CCNJ: variants seen among roughly 807,000 people sequenced by gnomAD.
CCNJ encodes cyclin J.
Under a neutral mutation model 41.4 loss-of-function variants are expected in CCNJ, and 12 were observed. That is an observed-to-expected ratio of 0.29 (90% CI 0.19 to 0.47). CCNJ has a LOEUF of 0.47. CCNJ is among the 20% of genes least tolerant of loss of function. The pLI, the probability that CCNJ is intolerant of heterozygous loss-of-function variation, is 1.00. For missense variants in CCNJ, 340 were observed against 464.6 expected (o/e 0.73, Z 2.47); for synonymous variants, 161 against 173.4 (o/e 0.93, Z 0.56).
chr10:96,051,511 T>C (rs2080523465), intron 3 of CCNJ, among the ~76,000 whole-genome samples: 1 of 152,186 alleles, frequency 6.6e-6, no homozygotes, highest in Non-Finnish European at 1.5e-5. Flanking sequence ...AAATCAGTAA[T>C]GTAGTTTCTG....
intron 3 of CCNJ, among the ~76,000 whole-genome samples, chr10:96,052,345 C>T (rs1288468627): frequency 6.6e-6 from 1 of 152,154 alleles, no homozygotes; most frequent in African/African-American, 2.4e-5. Context: ...ATTATAGAAT[C>T]AGTTTACAGT....
In CCNJ at chr10:96,057,896, A is replaced by G. The variant is rs1591023620; in HGVS notation, c.807A>G (p.Gln269=). ...GGCAAGCAGGACCTCAGTCAGCGCA[A>G]CTAAGTGTATTCCAGACAGCCTCCC... ...QRGQAGPQSA[Q]LSVFQTASQP... The change falls in exon 6 of 6, where the codon CAA becomes CAG. Residue 269 remains glutamine (Q), a synonymous_variant. Coordinates refer to ENST00000465148, the MANE Select transcript of CCNJ (RefSeq NM_001134375.2). 1.9e-6 allele frequency: 3 copies of G among 1,614,230 alleles called. No individual in the cohort carries two copies. The highest frequency in any genetic ancestry group is 2.5e-6 in the Non-Finnish European group (3 of 1,180,030).
Position 96,058,301 on chromosome 10 carries a change from G to A in CCNJ, c.*60G>A, listed in dbSNP as rs41291596. 663 of 1,450,964 alleles carry A rather than the reference G, an allele frequency of 4.6e-4. No individual in the cohort carries two copies. The highest frequency in any genetic ancestry group is 5.3e-4 in the Non-Finnish European group (561 of 1,059,820). The allele number at this position is 1,450,964 out of a possible 1,614,324, so 89.9% of individuals were successfully genotyped here. On this transcript the variant is annotated 3_prime_UTR_variant, in exon 6 of 6. Coordinates refer to ENST00000465148, the MANE Select transcript of CCNJ (RefSeq NM_001134375.2). The stretch of plus-strand genomic sequence containing the variant: ...TTGTGACATGAAGCTATGGGTAAGC[G>A]TTTTGTAAACTTCTGTTCAAAAGGA...
At chr10:96,043,879 A>G (rs1161605304) in intron 1 of CCNJ, among the ~76,000 whole-genome samples, 160 bp downstream of exon 1, 1 of 151,778 alleles carries the variant, frequency 6.6e-6, no homozygotes, top group Non-Finnish European at 1.5e-5. Flanking sequence ...CCCGGGGAGG[A>G]GCAGGCTCCC....
At chr10:96,045,427 A>T (rs1235976717) in intron 2 of CCNJ, among the ~76,000 whole-genome samples, 2 of 152,236 alleles carry the variant, frequency 1.3e-5, no homozygotes, top group African/African-American at 4.8e-5. Context: ...ATGAACTTTT[A>T]TCTTGAGTTT....
At chr10:96,052,174 C>T (rs1473709549) in intron 3 of CCNJ, among the ~76,000 whole-genome samples, 2 of 152,180 alleles carry the variant, frequency 1.3e-5, no homozygotes, top group Non-Finnish European at 2.9e-5. Flanking sequence ...AAGTTTCATG[C>T]TCATAAGTAA....
Position 96,058,112 on chromosome 10 carries a change from C to T in CCNJ, c.1023C>T (p.His341=). The change falls in exon 6 of 6, where the codon CAC becomes CAT. Residue 341 remains histidine (H), a synonymous_variant. Transcript: ENST00000465148. ...GFQTSVQGLG[H]MQTGVGMSLA... ...AAACTAGTGTTCAGGGCCTTGGGCA[C>T]ATGCAGACTGGTGTTGGGATGTCAC... 1 of 1,614,196 alleles carries T rather than the reference C, an allele frequency of 6.2e-7. No homozygotes were observed. Among genetic ancestry groups the T allele is most frequent in the South Asian group, 1.1e-5 (1 of 91,084 alleles).
chr10:96,056,425 T>C (rs932051496), intron 3 of CCNJ, among the ~76,000 whole-genome samples: 3 of 152,222 alleles, frequency 2.0e-5, no homozygotes, highest in African/African-American at 7.2e-5. Flanking sequence ...AGTTATTTTT[T>C]TCACTGGCAC....
chr10:96,047,384 C>T (rs527493010), intron 2 of CCNJ, among the ~76,000 whole-genome samples: 1 of 152,316 alleles, frequency 6.6e-6, no homozygotes, highest in East Asian at 1.9e-4. Flanking sequence ...TGGTGGCTCA[C>T]ACCTGTAATC....
chr10:96,044,269 G>T, intron 1 of CCNJ, 84 bp from the exon 2 acceptor site: 1 of 593,054 alleles, frequency 1.7e-6, no homozygotes, highest in East Asian at 3.4e-5. Context: ...CACACCGGGT[G>T]GCCTGAGGTC....
In CCNJ at chr10:96,057,069, A is replaced by G. The variant is rs2080715236; in HGVS notation, c.581-19A>G. ...CTCGTGTATTCTGTTCCTTAAGTTC[A>G]TTTTTGGTGTCTCCACAGATTATGC... On this transcript the variant is annotated intron_variant, in intron 4 of 5. Coordinates refer to ENST00000465148, the MANE Select transcript of CCNJ (RefSeq NM_001134375.2). 3 of 1,613,830 alleles carry G rather than the reference A, an allele frequency of 1.9e-6. No homozygotes were observed. The highest frequency in any genetic ancestry group is 2.2e-5 in the East Asian group (1 of 44,896).
At chr10:96,049,901 G>T (rs2142041765) in intron 2 of CCNJ, among the ~76,000 whole-genome samples, 1 of 152,110 alleles carries the variant, frequency 6.6e-6, no homozygotes, top group Admixed American at 6.5e-5. Flanking sequence ...GAGGTGTAGG[G>T]GCGTGTGTGT....
At chr10:96,047,290 A>C (rs1036954553) in intron 2 of CCNJ, among the ~76,000 whole-genome samples, 12 of 152,128 alleles carry the variant, frequency 7.9e-5, no homozygotes, top group Non-Finnish European at 1.8e-4. Flanking sequence ...GAAAGAGTTA[A>C]GGAGAAAAGA....
chr10:96,047,347 G>GA (rs938150396), intron 2 of CCNJ, among the ~76,000 whole-genome samples: 6 of 151,104 alleles, frequency 4.0e-5, no homozygotes, highest in African/African-American at 1.2e-4. Flanking sequence ...CCTTTATGTG[G>GA]AAAAAAAAAA....
intron 3 of CCNJ, among the ~76,000 whole-genome samples, chr10:96,052,721 C>T (rs899030858): frequency 6.6e-6 from 1 of 152,296 alleles, no homozygotes; most frequent in South Asian, 2.1e-4. Flanking sequence ...TATGAATTAT[C>T]ACCTATTACT....
Position 96,044,478 on chromosome 10 carries a change from G to T in CCNJ, c.69+16G>T, listed in dbSNP as rs2080304815. The T allele has an allele frequency of 6.6e-7, 1 of 1,508,834 alleles. No homozygotes were observed. Among genetic ancestry groups the T allele is most frequent in the African/African-American group, 1.4e-5 (1 of 71,112 alleles). 93.5% of individuals were successfully genotyped at this position (1,508,834 alleles called of 1,614,324 possible). A position where few individuals can be genotyped will look rare whatever the true frequency, so the allele number is the denominator to read the frequency against. On this transcript the variant is annotated intron_variant, in intron 2 of 5. Coordinates refer to ENST00000465148, the MANE Select transcript of CCNJ (RefSeq NM_001134375.2). ...TCGCTACAAGGTAACTCCGAGGCCC[G>T]GCCTGCCTTCTCCTTCTGTGTGTCG...
Position 96,058,218 on chromosome 10 carries a change from A to T in CCNJ, c.1129A>T (p.Ile377Phe). The T allele has an allele frequency of 6.2e-7, 1 of 1,613,008 alleles. No individual in the cohort carries two copies. The highest frequency in any genetic ancestry group is 1.1e-5 in the South Asian group (1 of 91,060). ...TCAGATAAATGAACATTACCCTTGT[A>T]TTACTCCATGTTTTGAAAGGTGATT... The part of the protein sequence containing the change: ...SYQINEHYPC[I>F]TPCFER Residue 377 changes from isoleucine (I) to phenylalanine (F), a missense_variant, in exon 6 of 6, where the codon ATT becomes TTT. Coordinates refer to ENST00000465148, the MANE Select transcript of CCNJ (RefSeq NM_001134375.2).
At chr10:96,045,660 A>G (rs1254845712) in intron 2 of CCNJ, among the ~76,000 whole-genome samples, 1 of 151,368 alleles carries the variant, frequency 6.6e-6, no homozygotes, top group African/African-American at 2.4e-5. Context: ...TTCTTGGAAA[A>G]TTGTCCAGAT....
rs755862937 is a variant in CCNJ at position 96,059,113 on chromosome 10, CTG to C, written c.*875_*876del. On this transcript the variant is annotated 3_prime_UTR_variant, in exon 6 of 6. Coordinates refer to ENST00000465148, the MANE Select transcript of CCNJ (RefSeq NM_001134375.2). The stretch of plus-strand genomic sequence containing the variant: ...ATAGCTCAGAATGAAGTGGTAGTTC[CTG>C]TGATTCATAATACATATGTAGGTTT... 4 of 152,682 alleles carry C rather than the reference CTG, an allele frequency of 2.6e-5. No homozygotes were observed. Among genetic ancestry groups the C allele is most frequent in the Middle Eastern group, 3.4e-3 (1 of 292 alleles). The allele number at this position is 152,682 out of a possible 1,614,324, so 9.5% of individuals were successfully genotyped here.
Sources: gnomAD v4.1 joint callset for allele counts (sites outside exome capture counted in the v4.1 genomes callset) on GRCh38, gnomAD v4.1.1 for gene constraint, MANE v1.5 for transcripts, NCBI Gene and HGNC (gene_info 2026-07-23, HGNC 2026-07-21) for gene names.